Variants in UBASH3A observed in about 807,000 individuals in gnomAD.
UBASH3A encodes ubiquitin associated and SH3 domain containing A.
UBASH3A carries 63 observed loss-of-function variants against 73.5 expected under a neutral mutation model. The ratio of observed to expected loss-of-function variants is 0.86; its 90% CI spans 0.70 to 1.06. The LOEUF (loss-of-function observed/expected upper bound fraction) is 1.06, where lower values mean the gene tolerates loss of function less well. Ranked by LOEUF, UBASH3A falls within the 50% of genes least tolerant of loss-of-function variation. The probability of loss-of-function intolerance (pLI) is 0.00; values close to 1 mark genes in which losing one functional copy is unlikely to be tolerated. For missense variants in UBASH3A, 860 were observed against 859.0 expected (o/e 1.00, Z -0.02); for synonymous variants, 363 against 351.1 (o/e 1.03, Z -0.38).
chr21:42,438,701 T>G (rs922817836), intron 11 of UBASH3A, among the ~76,000 whole-genome samples: 8 of 151,522 alleles, frequency 5.3e-5, no homozygotes, highest in African/African-American at 1.9e-4. Context: ...GGGAGGTGAG[T>G]GCAGGAGAAA....
chr21:42,446,504 G>C (rs2053846091), intron 14 of UBASH3A, among the ~76,000 whole-genome samples: 1 of 152,128 alleles, frequency 6.6e-6, no homozygotes, highest in South Asian at 2.1e-4. Context: ...CTAGACATTA[G>C]AAAGAGGAAG....
At chr21:42,416,405 G>C in intron 5 of UBASH3A, 37 bp from the exon 6 acceptor site, 3 of 1,515,224 alleles carry the variant, frequency 2.0e-6, no homozygotes, top group Non-Finnish European at 2.7e-6. Context: ...TTAGGTAACG[G>C]TGTCCTGGCA....
chr21:42,421,390 G>A (rs748432875), intron 7 of UBASH3A, among the ~76,000 whole-genome samples: 7 of 152,188 alleles, frequency 4.6e-5, no homozygotes, highest in South Asian at 2.1e-4. Context: ...AAACACCATC[G>A]TGGCCATCCC....
intron 7 of UBASH3A, among the ~76,000 whole-genome samples, chr21:42,421,867 A>G (rs571375803): frequency 5.3e-5 from 8 of 152,356 alleles, no homozygotes; most frequent in Non-Finnish European, 1.0e-4. Flanking sequence ...AAGAAAAGAA[A>G]AGATGGTTTA....
rs1393910745 is a variant in UBASH3A at position 42,417,476 on chromosome 21, T to A, written c.837+865T>A. 7 of 151,016 alleles carry A rather than the reference T, an allele frequency of 4.6e-5. No individual in the cohort carries two copies. The East Asian group carries it at 1.2e-3, about 25-fold the overall frequency. 9.4% of individuals were successfully genotyped at this position (151,016 alleles called of 1,614,324 possible). A position where few individuals can be genotyped will look rare whatever the true frequency, so the allele number is the denominator to read the frequency against. ...AGGAAAGGACTATTGTAAAGATCTA[T>A]GAATACATGTTTTGCTTATTAATTC... On this transcript the variant is annotated intron_variant, in intron 6 of 14. Coordinates refer to ENST00000319294, the MANE Select transcript of UBASH3A (RefSeq NM_018961.4).
intron 8 of UBASH3A, among the ~76,000 whole-genome samples, chr21:42,429,478 G>C (rs1301687825): frequency 6.6e-6 from 1 of 152,156 alleles, no homozygotes; most frequent in Non-Finnish European, 1.5e-5. Context: ...AATGCTCTGA[G>C]CTCTTCCAGG....
At chr21:42,437,336 A>G in intron 10 of UBASH3A, 152 bp from the exon 11 acceptor site, 1 of 648,236 alleles carries the variant, frequency 1.5e-6, no homozygotes, top group Non-Finnish European at 2.8e-6. Flanking sequence ...GGTTCCACCC[A>G]TACTTGGAGG....
chr21:42,409,243 C>T (rs897436626), intron 2 of UBASH3A, among the ~76,000 whole-genome samples, 179 bp from the exon 3 acceptor site: 7 of 152,190 alleles, frequency 4.6e-5, no homozygotes, highest in Admixed American at 6.5e-5. Flanking sequence ...ACAGCTGTGC[C>T]GCAGTGCCTC....
chr21:42,418,537 C>G lies in UBASH3A; in HGVS notation c.974C>G (p.Thr325Arg). 6.2e-7 allele frequency: 1 copy of G among 1,614,168 alleles called. No homozygotes were observed. The highest frequency in any genetic ancestry group is 1.1e-5 in the South Asian group (1 of 91,084). The change falls in exon 7 of 15, where the codon ACG (threonine) becomes AGG (arginine). Residue 325 changes from threonine (T) to arginine (R), a missense_variant. Transcript: ENST00000319294. ...TGGGTGATTGGGATCTCACAGCGGACGGGCTGCCGGGGCTTCCTGCCGGAA... is the reference window on the plus strand; with the variant it reads ...TGGGTGATTGGGATCTCACAGCGGAGGGGCTGCCGGGGCTTCCTGCCGGAA... The part of the protein sequence containing the change: ...EGWVIGISQR[T>R]GCRGFLPENY...
At chr21:42,445,273 T>G (rs1962721297) in intron 14 of UBASH3A, among the ~76,000 whole-genome samples, 1 of 152,128 alleles carries the variant, frequency 6.6e-6, no homozygotes, top group African/African-American at 2.4e-5. Flanking sequence ...GTCCCAGCCC[T>G]TCCCTGCAGA....
rs777831074 is a variant in UBASH3A at position 42,444,813 on chromosome 21, C to T, written c.1848+170C>T. ...CCGGCTCTTATGCGAAGGGTGACTT[C>T]GGGCTGGGGCTGGTGGATAGGTCAG... On this transcript the variant is annotated intron_variant, in intron 14 of 14. Coordinates refer to ENST00000319294, the MANE Select transcript of UBASH3A (RefSeq NM_018961.4). 5.3e-5 allele frequency among the ~76,000 whole-genome samples: 8 copies of T among 152,232 alleles called. No individual in the cohort carries two copies. The South Asian group carries it at 6.2e-4, about 12-fold the overall frequency.
intron 8 of UBASH3A, among the ~76,000 whole-genome samples, chr21:42,427,724 G>A: frequency 6.6e-6 from 1 of 152,168 alleles, no homozygotes; most frequent in East Asian, 1.9e-4. Context: ...CCCTGGTGCG[G>A]AGAAACTATT....
chr21:42,413,577 T>C lies in UBASH3A; in HGVS notation c.667+54T>C, dbSNP rs1421021595. 2 of 1,325,342 alleles carry C rather than the reference T, an allele frequency of 1.5e-6. No individual in the cohort carries two copies. The highest frequency in any genetic ancestry group is 2.3e-5 in the East Asian group (1 of 43,542). The allele number at this position is 1,325,342 out of a possible 1,614,324, so 82.1% of individuals were successfully genotyped here. A position where few individuals can be genotyped will look rare whatever the true frequency, so the allele number is the denominator to read the frequency against. On this transcript the variant is annotated intron_variant, in intron 5 of 14. Coordinates refer to ENST00000319294, the MANE Select transcript of UBASH3A (RefSeq NM_018961.4). This position sits in a 1 kb window ranked among gnomAD's most constrained non-coding sequence, Gnocchi z 4.5. ...CTTTGGTCTTCTCTTTAGGCGGGAA[T>C]AGCCTTGTTCTCATTATGTGGTTTT...
rs770682247 is a variant in UBASH3A, at chr21:42,437,595, C to T, written c.1486+15C>T. On this transcript the variant is annotated intron_variant, in intron 11 of 14. Transcript: ENST00000319294. ...CATCCTGGAAGGTCAGTGAGAACCT[C>T]GGTGAGCCTCTCCTACTGCCTTGAC... 1.5e-5 allele frequency: 24 copies of T among 1,610,432 alleles called. No individual in the cohort carries two copies. The highest frequency in any genetic ancestry group is 7.7e-5 in the South Asian group (7 of 91,018).
Position 42,416,432 on chromosome 21 carries a change from G to A in UBASH3A, c.668-10G>A. ...GTCCTGGCACCCTCTGTGTTTCCCTGATTTCACAGACTGCTCCGTGAAGCC... is the reference window on the plus strand; with the variant it reads ...GTCCTGGCACCCTCTGTGTTTCCCTAATTTCACAGACTGCTCCGTGAAGCC... On this transcript the variant is annotated splice_polypyrimidine_tract_variant and intron_variant, in intron 5 of 14. Coordinates refer to ENST00000319294, the MANE Select transcript of UBASH3A (RefSeq NM_018961.4). 1 of 1,555,746 alleles carries A rather than the reference G, an allele frequency of 6.4e-7. No individual in the cohort carries two copies. The highest frequency in any genetic ancestry group is 1.7e-4 in the Middle Eastern group (1 of 5,814).
At chr21:42,437,372 G>A (rs1001181765) in intron 10 of UBASH3A, 116 bp from the exon 11 acceptor site, 16 of 824,096 alleles carry the variant, frequency 1.9e-5, no homozygotes, top group Non-Finnish European at 3.2e-5. Context: ...CACACCAGGG[G>A]GTGGAAACCC....
Position 42,447,319 on chromosome 21 carries a change from C to A in UBASH3A, c.*125C>A. On this transcript the variant is annotated 3_prime_UTR_variant, in exon 15 of 15. Transcript: ENST00000319294. ...CAATGTGATTTGTAGAAGCACGAGA[C>A]GCACTTTTATATCCCGGAATATTTC... The A allele has an allele frequency of 5.7e-6, 6 of 1,047,718 alleles. No homozygotes were observed. Among genetic ancestry groups the A allele is most frequent in the Admixed American group, 2.5e-5 (1 of 39,778 alleles). The allele number at this position is 1,047,718 out of a possible 1,614,324, so 64.9% of individuals were successfully genotyped here.
chr21:42,413,345 A>G lies in UBASH3A; in HGVS notation c.554-65A>G, dbSNP rs553395614. ...GGGTTCCAGGGGAGCAGAGCCCAGC[A>G]GCAATGGTGGGATGGCTGGGTGGGC... On this transcript the variant is annotated intron_variant, in intron 4 of 14. Transcript: ENST00000319294. This position sits in a 1 kb window ranked among gnomAD's most constrained non-coding sequence, Gnocchi z 4.5. The G allele has an allele frequency of 2.4e-5, 37 of 1,540,230 alleles. No individual in the cohort carries two copies. The highest frequency in any genetic ancestry group is 3.2e-5 in the Non-Finnish European group (36 of 1,120,764).
chr21:42,435,117 G>A, intron 10 of UBASH3A, 163 bp downstream of exon 10: 1 of 806,670 alleles, frequency 1.2e-6, no homozygotes. Context: ...TAAGCAACTT[G>A]CCCAAGGTCA....
Sources: gnomAD v4.1 joint callset for allele counts (sites outside exome capture counted in the v4.1 genomes callset) on GRCh38, gnomAD v4.1.1 for gene constraint, Gnocchi (gnomAD v3.1) non-coding constraint, MANE v1.5 for transcripts, NCBI Gene and HGNC (gene_info 2026-07-23, HGNC 2026-07-21) for gene names.